SLCO2B1: variants seen among roughly 807,000 people sequenced by gnomAD.
SLCO2B1 encodes OATP-RP2.
A neutral mutation model predicts 67.3 loss-of-function variants in SLCO2B1; 41 were observed. The ratio of observed to expected loss-of-function variants is 0.61; its 90% CI spans 0.47 to 0.79. SLCO2B1 has a LOEUF of 0.79. Ranked by LOEUF, SLCO2B1 falls within the 30% of genes least tolerant of loss-of-function variation. The pLI, the probability that SLCO2B1 is intolerant of heterozygous loss-of-function variation, is 0.00. For synonymous variants in SLCO2B1, 379 were observed against 381.4 expected, an observed-to-expected ratio of 0.99 and a Z score of 0.07; for missense variants, 837 against 920.1, an observed-to-expected ratio of 0.91 and a Z score of 1.17.
At chr11:75,182,759 T>C (rs1240428474) in intron 7 of SLCO2B1, among the ~76,000 whole-genome samples, 3 of 149,834 alleles carry the variant, frequency 2.0e-5, no homozygotes, top group Non-Finnish European at 4.4e-5. Flanking sequence ...AAAAGTGCAA[T>C]GTAGACCAAA....
Position 75,172,510 on chromosome 11 carries a change from A to G in SLCO2B1, c.913A>G (p.Lys305Glu). 6.2e-7 allele frequency: 1 copy of G among 1,614,196 alleles called. No homozygotes were observed. ...FFFPKEMPKE[K>E]RELQFRRKVL... is the part of the protein sequence containing the mutation. ...CTTCCCCAAGGAAATGCCCAAGGAAAAACGTGAGCTTCAGTTTCGGCGAAA... is the reference window on the plus strand; with the variant it reads ...CTTCCCCAAGGAAATGCCCAAGGAAGAACGTGAGCTTCAGTTTCGGCGAAA... The change falls in exon 7 of 14, where the codon AAA becomes GAA. Residue 305 changes from lysine to glutamate, a missense_variant. Transcript: ENST00000289575.
At chr11:75,175,804 G>A (rs1473177526) in intron 7 of SLCO2B1, among the ~76,000 whole-genome samples, 1 of 152,218 alleles carries the variant, frequency 6.6e-6, no homozygotes, top group Non-Finnish European at 1.5e-5. Flanking sequence ...CAGATGCAGA[G>A]AGACAGGGAA....
intron 7 of SLCO2B1, among the ~76,000 whole-genome samples, chr11:75,175,922 G>T (rs1039932143): frequency 5.3e-5 from 8 of 152,154 alleles, no homozygotes; most frequent in African/African-American, 1.9e-4. Context: ...ACATGGGATT[G>T]GGGGAGGCCA....
chr11:75,181,051 T>C (rs1950085610), intron 7 of SLCO2B1, among the ~76,000 whole-genome samples: 1 of 152,172 alleles, frequency 6.6e-6, no homozygotes, highest in Admixed American at 6.5e-5. Context: ...AAAAGAAGCA[T>C]GGCCAGTGGC....
chr11:75,186,591 G>A (rs1295588026), intron 7 of SLCO2B1, among the ~76,000 whole-genome samples: 4 of 151,940 alleles, frequency 2.6e-5, no homozygotes, highest in South Asian at 2.1e-4. Flanking sequence ...GGGCTCAAGC[G>A]ATCCTCCCAC....
chr11:75,171,332 C>G (rs1469879407), intron 6 of SLCO2B1, among the ~76,000 whole-genome samples: 1 of 152,186 alleles, frequency 6.6e-6, no homozygotes, highest in East Asian at 1.9e-4. Flanking sequence ...TCCTAGCTTA[C>G]TGCAGCCTTG....
chr11:75,169,024 A>T, intron 4 of SLCO2B1, 149 bp from the exon 5 acceptor site: 1 of 594,762 alleles, frequency 1.7e-6, no homozygotes, highest in Non-Finnish European at 2.8e-6. Flanking sequence ...CACCTATGAA[A>T]CAGGCATAAT....
chr11:75,183,876 G>C (rs1332267471), intron 7 of SLCO2B1, among the ~76,000 whole-genome samples: 2 of 152,174 alleles, frequency 1.3e-5, no homozygotes, highest in Non-Finnish European at 2.9e-5. Flanking sequence ...CCACTCTCTA[G>C]TTATGTGATG....
chr11:75,203,281 T>C, intron 12 of SLCO2B1, 26 bp from the exon 13 acceptor site: 1 of 1,610,300 alleles, frequency 6.2e-7, no homozygotes, highest in South Asian at 1.1e-5. Context: ...GGGCCTTCAT[T>C]GTCCCCTGAG....
chr11:75,180,996 AT>A, intron 7 of SLCO2B1, among the ~76,000 whole-genome samples: 2 of 152,352 alleles, frequency 1.3e-5, no homozygotes, highest in Admixed American at 1.3e-4. Flanking sequence ...AGTTGATACC[AT>A]TGAGCCATTT....
chr11:75,188,145 T>G lies in SLCO2B1; in HGVS notation c.982T>G (p.Ser328Ala), dbSNP rs1944965699. ...TDSPARKGKD[S>A]PSKQSPGEST... ...TTTGTGTCTCCTTCAGGGCAAGGAC[T>G]CTCCCTCTAAGCAGAGCCCTGGGGA... Residue 328 changes from serine (S) to alanine (A), a missense_variant, in exon 8 of 14, where the codon TCT becomes GCT. Ser to Ala is a moderately conservative substitution (Grantham distance 99). Coordinates refer to ENST00000289575, the MANE Select transcript of SLCO2B1 (RefSeq NM_007256.5). The G allele has an allele frequency of 3.7e-6, 6 of 1,612,996 alleles. No individual in the cohort carries two copies. Among genetic ancestry groups the G allele is most frequent in the Non-Finnish European group, 4.2e-6 (5 of 1,179,454 alleles).
chr11:75,154,172 C>T (rs908144844), intron 1 of SLCO2B1, among the ~76,000 whole-genome samples: 1 of 151,112 alleles, frequency 6.6e-6, no homozygotes, highest in African/African-American at 2.4e-5. Flanking sequence ...GATCCATCTG[C>T]CTCAGCCTCC....
chr11:75,196,719 C>A (rs778745593), intron 10 of SLCO2B1, 40 bp downstream of exon 10: 1 of 1,587,456 alleles, frequency 6.3e-7, no homozygotes, highest in Non-Finnish European at 8.6e-7. Flanking sequence ...CCCCTCAGGA[C>A]TCTGCCTGCC....
At position 75,203,746 on chromosome 11, in the gene SLCO2B1, G is replaced by T. The variant is rs965812046; in HGVS notation, c.1949+319G>T. ...CAGCCATGCTGCGAGAGGGACTTGG[G>T]GTGAAGGGCTGGGGAGAAAGCCCTG... is the stretch of plus-strand genomic sequence containing the variant. On this transcript the variant is annotated intron_variant, in intron 13 of 13. Coordinates refer to ENST00000289575, the MANE Select transcript of SLCO2B1 (RefSeq NM_007256.5). The T allele has an allele frequency of 1.0e-5, 3 of 301,284 alleles. No individual in the cohort carries two copies. The Admixed American group carries it at 1.4e-4, about 14-fold the overall frequency. 18.7% of individuals were successfully genotyped at this position (301,284 alleles called of 1,614,324 possible). A position where few individuals can be genotyped will look rare whatever the true frequency, so the allele number is the denominator to read the frequency against.
At chr11:75,200,491 G>T (rs1184544926) in intron 11 of SLCO2B1, 104 bp downstream of exon 11, 5 of 1,209,570 alleles carry the variant, frequency 4.1e-6, no homozygotes, top group Admixed American at 2.4e-5. Context: ...AGGCCACTTG[G>T]GTGTCCTGGC....
chr11:75,173,139 C>A (rs566134205), intron 7 of SLCO2B1, among the ~76,000 whole-genome samples: 1 of 152,256 alleles, frequency 6.6e-6, no homozygotes, highest in Admixed American at 6.5e-5. Flanking sequence ...CCTTTCTGAG[C>A]CCATGCCCCC....
chr11:75,184,913 G>A (rs1440359301), intron 7 of SLCO2B1, among the ~76,000 whole-genome samples: 1 of 152,118 alleles, frequency 6.6e-6, no homozygotes, highest in East Asian at 1.9e-4. Context: ...AAGCTCTGGA[G>A]ACAAAAGACA....
chr11:75,166,243 G>A (rs1235788396), intron 4 of SLCO2B1, among the ~76,000 whole-genome samples: 3 of 152,236 alleles, frequency 2.0e-5, no homozygotes, highest in African/African-American at 7.2e-5. Flanking sequence ...TACTTTGAGG[G>A]CCTGGCATGC....
At chr11:75,163,456 T>C (rs1008248265) in intron 2 of SLCO2B1, among the ~76,000 whole-genome samples, 4 of 151,582 alleles carry the variant, frequency 2.6e-5, no homozygotes, top group Admixed American at 6.6e-5. Context: ...AGAGGACTAG[T>C]GGGGGTGGGA....
Sources: gnomAD v4.1 joint callset for allele counts (sites outside exome capture counted in the v4.1 genomes callset) on GRCh38, gnomAD v4.1.1 for gene constraint, MANE v1.5 for transcripts, NCBI Gene and HGNC (gene_info 2026-07-23, HGNC 2026-07-21) for gene names.